The following CAST variants were observed in gnomAD, a reference collection of about 807,000 sequenced individuals.
CAST encodes calpastatin.
Under a neutral mutation model 119.6 loss-of-function variants are expected in CAST, and 76 were observed. The observed-to-expected ratio is 0.64, with a 90% confidence interval of 0.53 to 0.77. CAST has a LOEUF of 0.77. CAST is among the 30% of genes least tolerant of loss of function. The pLI is 0.00. For missense variants in CAST, 953 were observed against 946.5 expected (o/e 1.01, Z -0.09); for synonymous variants, 319 against 331.6 (o/e 0.96, Z 0.41).
At chr5:96,306,307 T>A in the CAST span, among the ~76,000 whole-genome samples, 2 of 152,200 alleles carry the variant, frequency 1.3e-5, no homozygotes, top group African/African-American at 2.4e-5. Context: ...CCTTTATCAT[T>A]TTTATAGTGT....
upstream of CAST, among the ~76,000 whole-genome samples, chr5:96,529,263 A>G (rs916218463): frequency 6.6e-6 from 1 of 152,212 alleles, no homozygotes; most frequent in African/African-American, 2.4e-5. Context: ...AGTTGGAGCT[A>G]TAAGCCTATA....
intron 1 of CAST, among the ~76,000 whole-genome samples, chr5:96,639,058 G>T (rs1309681359): frequency 6.6e-6 from 1 of 152,076 alleles, no homozygotes; most frequent in African/African-American, 2.4e-5. Context: ...TTGGCATTTG[G>T]CCCTGTTCCT....
the CAST span, among the ~76,000 whole-genome samples, chr5:95,971,585 C>CA: frequency 6.6e-6 from 1 of 152,126 alleles, no homozygotes; most frequent in Admixed American, 6.5e-5. Context: ...CTTGAAAATA[C>CA]ATTGTCCCTT....
the CAST span, among the ~76,000 whole-genome samples, chr5:96,258,961 A>T: frequency 6.6e-6 from 1 of 152,250 alleles, no homozygotes; most frequent in East Asian, 1.9e-4. Flanking sequence ...AGAAGGTCAG[A>T]CAAGATAAAT....
chr5:96,718,543 G>T (rs1757596900), intron 3 of CAST, among the ~76,000 whole-genome samples: 1 of 147,124 alleles, frequency 6.8e-6, no homozygotes, highest in African/African-American at 2.5e-5. Flanking sequence ...GAACCTAAAA[G>T]TTAAAAAAAA....
chr5:96,767,400 A>T (rs138461806), intron 27 of CAST, 38 bp from the exon 28 acceptor site: 135 of 1,559,052 alleles, frequency 8.7e-5, no homozygotes, highest in Non-Finnish European at 1.1e-4. Context: ...ACCTTTACAG[A>T]TATCTATGCT....
chr5:96,632,805 T>C (rs1747838930), intron 1 of CAST, among the ~76,000 whole-genome samples: 1 of 152,242 alleles, frequency 6.6e-6, no homozygotes, highest in Non-Finnish European at 1.5e-5. Context: ...TCTATCTGTA[T>C]GACAGTAGCA....
intron 1 of CAST, among the ~76,000 whole-genome samples, chr5:96,555,489 C>T (rs182850515): frequency 1.4e-3 from 207 of 152,262 alleles, no homozygotes; most frequent in African/African-American, 4.2e-3. Flanking sequence ...AAGAAAGAGG[C>T]GACAGACGGC....
At chr5:96,680,481 T>A (rs1455060581) in intron 2 of CAST, among the ~76,000 whole-genome samples, 1 of 152,000 alleles carries the variant, frequency 6.6e-6, no homozygotes, top group Non-Finnish European at 1.5e-5. Context: ...TTCCTGCATC[T>A]TTTTTCTTTG....
chr5:96,150,222 C>A, the CAST span, among the ~76,000 whole-genome samples: 1 of 152,158 alleles, frequency 6.6e-6, no homozygotes, highest in African/African-American at 2.4e-5. Flanking sequence ...GTGTCAAGTC[C>A]CTTGGCTTTC....
At chr5:96,474,787 A>G in the CAST span, among the ~76,000 whole-genome samples, 597 of 152,258 alleles carry the variant, frequency 3.9e-3, 12 homozygotes, top group Admixed American at 0.03. Context: ...TGGAACAGCC[A>G]AGGTACTCTA....
At chr5:95,966,382 C>T in the CAST span, among the ~76,000 whole-genome samples, 1 of 152,114 alleles carries the variant, frequency 6.6e-6, no homozygotes, top group Non-Finnish European at 1.5e-5. Flanking sequence ...TCAGCAAAGT[C>T]AAGCCTCCCT....
intron 2 of CAST, among the ~76,000 whole-genome samples, chr5:96,688,521 T>G (rs577266398): frequency 6.6e-6 from 1 of 152,324 alleles, no homozygotes; most frequent in South Asian, 2.1e-4. Flanking sequence ...ATAGCGCTGA[T>G]ATACTGACGA....
the CAST span, among the ~76,000 whole-genome samples, chr5:96,078,451 T>C: frequency 2.6e-5 from 4 of 151,746 alleles, no homozygotes; most frequent in East Asian, 3.9e-4. Context: ...TGGAGTGCAA[T>C]GGTGCAATCT....
At chr5:96,567,330 A>G (rs1276430787) in intron 1 of CAST, among the ~76,000 whole-genome samples, 3 of 152,106 alleles carry the variant, frequency 2.0e-5, no homozygotes, top group African/African-American at 7.2e-5. Flanking sequence ...AACGCGCCCA[A>G]CAGCTTCGCC....
At chr5:96,221,211 C>A in the CAST span, among the ~76,000 whole-genome samples, 37 of 151,906 alleles carry the variant, frequency 2.4e-4, 1 homozygote, top group Admixed American at 2.4e-3. Flanking sequence ...ATATTGAAGA[C>A]AAGGATCTCC....
chr5:96,288,664 C>T, the CAST span, among the ~76,000 whole-genome samples: 1 of 152,092 alleles, frequency 6.6e-6, no homozygotes, highest in Non-Finnish European at 1.5e-5. Flanking sequence ...AGACATATGA[C>T]TATGTTGCAA....
chr5:96,154,134 C>T, the CAST span, among the ~76,000 whole-genome samples: 63 of 151,790 alleles, frequency 4.2e-4, no homozygotes, highest in South Asian at 8.3e-4. Flanking sequence ...AAAAATTAGC[C>T]GGGTGTGGTG....
intron 1 of CAST, among the ~76,000 whole-genome samples, chr5:96,564,798 C>T (rs112590711): frequency 0.039 from 5,956 of 152,256 alleles, 185 homozygotes; most frequent in South Asian, 0.12. Flanking sequence ...GTAGTCTCAA[C>T]TACTCAGGAG....
Sources: allele counts gnomAD v4.1 joint callset (sites outside exome capture counted in the v4.1 genomes callset), GRCh38; gene constraint gnomAD v4.1.1; transcripts MANE v1.5; gene names NCBI Gene and HGNC (gene_info 2026-07-23, HGNC 2026-07-21).